TMTC2: variants seen among roughly 807,000 people sequenced by gnomAD.
The protein encoded by TMTC2 is transmembrane O-mannosyltransferase targeting cadherins 2.
Under a neutral mutation model 82.4 loss-of-function variants are expected in TMTC2, and 43 were observed. The ratio of observed to expected loss-of-function variants is 0.52; its 90% CI spans 0.41 to 0.67. The LOEUF (loss-of-function observed/expected upper bound fraction) is 0.67. TMTC2 is among the 30% of genes least tolerant of loss of function. The pLI is 0.00. For synonymous variants in TMTC2, 408 were observed against 381.9 expected, an observed-to-expected ratio of 1.07 and a Z score of -0.80; for missense variants, 919 against 1,012.4, an observed-to-expected ratio of 0.91 and a Z score of 1.25.
At chr12:82,711,805 G>GC (rs375903602) in intron 1 of TMTC2, among the ~76,000 whole-genome samples, 3 of 152,156 alleles carry the variant, frequency 2.0e-5, no homozygotes, top group African/African-American at 7.2e-5. Flanking sequence ...CACTATGAGT[G>GC]GTAGCATTTC....
intron 1 of TMTC2, among the ~76,000 whole-genome samples, chr12:82,803,763 A>G (rs1158065037): frequency 6.6e-6 from 1 of 152,112 alleles, no homozygotes; most frequent in Non-Finnish European, 1.5e-5. Context: ...AAAGGGACGC[A>G]AGACACCGGA....
chr12:82,962,294 A>G (rs1328413169), intron 4 of TMTC2, among the ~76,000 whole-genome samples: 1 of 152,046 alleles, frequency 6.6e-6, no homozygotes, highest in Non-Finnish European at 1.5e-5. Context: ...TGTTCATTCC[A>G]TCTAGCCTAA....
intron 1 of TMTC2, among the ~76,000 whole-genome samples, chr12:82,853,590 A>G (rs1189159821): frequency 6.6e-6 from 1 of 152,186 alleles, no homozygotes; most frequent in African/African-American, 2.4e-5. Flanking sequence ...ATTTTTTATC[A>G]AAAGCCTTTA....
At position 82,777,145 on chromosome 12, in the gene TMTC2, G is replaced by A. The variant is rs550295830; in HGVS notation, c.84-79865G>A. On this transcript the variant is annotated intron_variant, in intron 1 of 11. Transcript: ENST00000321196. ...CTGGTCACACCCTTGAATTTGCTAT[G>A]TTAGTTGTAGTATGTTATAGCTAGG... Among the ~76,000 whole-genome samples, 6 of 152,218 alleles carry A rather than the reference G, an allele frequency of 3.9e-5. No individual in the cohort carries two copies. The East Asian group carries it at 1.2e-3, about 29-fold the overall frequency.
intron 1 of TMTC2, among the ~76,000 whole-genome samples, chr12:82,701,808 A>G (rs1873098842): frequency 6.6e-6 from 1 of 152,000 alleles, no homozygotes; most frequent in African/African-American, 2.4e-5. Context: ...CCTAATTAAA[A>G]CATCTTTTAC....
At chr12:82,949,246 T>C (rs1186390518) in intron 4 of TMTC2, among the ~76,000 whole-genome samples, 1 of 152,238 alleles carries the variant, frequency 6.6e-6, no homozygotes, top group African/African-American at 2.4e-5. Flanking sequence ...AAAGAATAGA[T>C]AGTAAATCAG....
intron 8 of TMTC2, among the ~76,000 whole-genome samples, chr12:83,009,829 G>A (rs970301873): frequency 6.6e-6 from 1 of 152,108 alleles, no homozygotes; most frequent in African/African-American, 2.4e-5. Flanking sequence ...ACTTGGGAGG[G>A]ACGATTTTGG....
intron 11 of TMTC2, among the ~76,000 whole-genome samples, chr12:83,089,661 A>T (rs1398572171): frequency 6.6e-6 from 1 of 152,082 alleles, no homozygotes; most frequent in Non-Finnish European, 1.5e-5. Flanking sequence ...TAATTTTTAG[A>T]ATATTTATAG....
At position 83,133,050 on chromosome 12, in the gene TMTC2, T is replaced by C. The variant is rs899004554; in HGVS notation, c.*661T>C. ...TGCTTTTTATGTTCTGAAAAGGATA[T>C]GGAGAGTAGAGCTAACCATACTTCA... On this transcript the variant is annotated 3_prime_UTR_variant, in exon 12 of 12. Coordinates refer to ENST00000321196, the MANE Select transcript of TMTC2 (RefSeq NM_152588.3). 1.3e-5 allele frequency: 2 copies of C among 152,242 alleles called. No homozygotes were observed. Among genetic ancestry groups the C allele is most frequent in the African/African-American group, 4.8e-5 (2 of 41,448 alleles). The allele number at this position is 152,242 out of a possible 1,614,324, so 9.4% of individuals were successfully genotyped here.
intron 5 of TMTC2, 66 bp downstream of exon 5, chr12:82,965,175 A>T: frequency 8.2e-7 from 1 of 1,217,186 alleles, no homozygotes; most frequent in Non-Finnish European, 1.2e-6. Flanking sequence ...ACTCTAATTT[A>T]CAGCCTCACT....
rs996925506 is a variant in TMTC2, at chr12:82,777,027, T to C, written c.84-79983T>C. 2.0e-4 allele frequency among the ~76,000 whole-genome samples: 30 copies of C among 152,188 alleles called. 1 individual carries two copies. Among genetic ancestry groups the C allele is most frequent in the African/African-American group, 7.0e-4 (29 of 41,464 alleles). ...ACTTTGATCTACATGGTGCCCTGTT[T>C]GTCTGAGTTGCACAGCTCTAGGGGA... On this transcript the variant is annotated intron_variant, in intron 1 of 11. Coordinates refer to ENST00000321196, the MANE Select transcript of TMTC2 (RefSeq NM_152588.3).
intron 1 of TMTC2, among the ~76,000 whole-genome samples, chr12:82,841,470 G>T (rs1238705987): frequency 1.3e-5 from 2 of 152,130 alleles, no homozygotes; most frequent in African/African-American, 2.4e-5. Flanking sequence ...CTTTGTGTAA[G>T]CTCATCTGTG....
chr12:83,029,897 G>A (rs981806661), intron 8 of TMTC2, among the ~76,000 whole-genome samples: 11 of 152,104 alleles, frequency 7.2e-5, no homozygotes, highest in Non-Finnish European at 1.6e-4. Context: ...TTCCTTGTGC[G>A]TATGATGGTA....
chr12:82,711,437 T>TAA (rs547842827), intron 1 of TMTC2, among the ~76,000 whole-genome samples: 1 of 143,708 alleles, frequency 7.0e-6, no homozygotes, highest in Non-Finnish European at 1.5e-5. Flanking sequence ...AATATGTTGT[T>TAA]AAAAAAAAAA....
At chr12:82,736,376 T>G (rs7971707) in intron 1 of TMTC2, among the ~76,000 whole-genome samples, 9,159 of 152,238 alleles carry the variant, frequency 0.06, 908 homozygotes, top group African/African-American at 0.21. Context: ...TGGAGTTACT[T>G]TAAACATCTT....
chr12:83,122,049 G>T (rs193227071), intron 11 of TMTC2, among the ~76,000 whole-genome samples: 1 of 152,122 alleles, frequency 6.6e-6, no homozygotes, highest in East Asian at 1.9e-4. Context: ...GGGCCAGCAG[G>T]CCTGAGAACT....
intron 11 of TMTC2, among the ~76,000 whole-genome samples, chr12:83,093,704 A>C (rs1212527231): frequency 6.6e-6 from 1 of 152,188 alleles, no homozygotes; most frequent in Non-Finnish European, 1.5e-5. Context: ...CTAATAAGCT[A>C]CCTAAATCCA....
chr12:82,915,853 A>G (rs1037661496), intron 3 of TMTC2, among the ~76,000 whole-genome samples: 1 of 152,208 alleles, frequency 6.6e-6, no homozygotes, highest in African/African-American at 2.4e-5. Flanking sequence ...GATTTACCAT[A>G]AATCAAAAGG....
chr12:82,776,615 G>GAAAAAA (rs750550745), intron 1 of TMTC2, among the ~76,000 whole-genome samples: 2 of 87,368 alleles, frequency 2.3e-5, no homozygotes, highest in East Asian at 4.7e-4. Context: ...TGTCTCTAAT[G>GAAAAAA]AAAAAAAAAA....
Sources: gnomAD v4.1 joint callset for allele counts (sites outside exome capture counted in the v4.1 genomes callset) on GRCh38, gnomAD v4.1.1 for gene constraint, MANE v1.5 for transcripts, NCBI Gene and HGNC (gene_info 2026-07-23, HGNC 2026-07-21) for gene names.